ENOX1: variants seen among roughly 807,000 people sequenced by gnomAD.
The protein encoded by ENOX1 is candidate growth-related and time keeping constitutive hydroquinone (NADH) oxidase.
In ENOX1, 42 loss-of-function variants were observed where a neutral mutation model predicts 82.5. The observed-to-expected ratio is 0.51, with a 90% confidence interval of 0.40 to 0.66. ENOX1 has a LOEUF of 0.66. ENOX1 is among the 30% of genes least tolerant of loss of function. The probability of loss-of-function intolerance (pLI) is 0.00; values close to 1 mark genes in which losing one functional copy is unlikely to be tolerated. For missense variants in ENOX1, 608 were observed against 811.6 expected (o/e 0.75, Z 3.05); for synonymous variants, 271 against 282.2 (o/e 0.96, Z 0.40).
intron 5 of ENOX1, among the ~76,000 whole-genome samples, chr13:43,398,928 T>C (rs1424320519): frequency 6.6e-6 from 1 of 151,640 alleles, no homozygotes; most frequent in East Asian, 1.9e-4. Flanking sequence ...CCTGAGTAGC[T>C]GGGACTACAG....
At chr13:43,637,985 G>C (rs539133009) in intron 2 of ENOX1, among the ~76,000 whole-genome samples, 2 of 152,172 alleles carry the variant, frequency 1.3e-5, no homozygotes, top group Non-Finnish European at 2.9e-5. Context: ...AAGGGAAAAG[G>C]GTCCGAGAGC....
At chr13:43,625,470 A>AT (rs1320661120) in intron 2 of ENOX1, among the ~76,000 whole-genome samples, 1 of 151,958 alleles carries the variant, frequency 6.6e-6, no homozygotes, top group African/African-American at 2.4e-5. Context: ...TATTTCTAGG[A>AT]TTTTTGTTTT....
At chr13:43,697,454 G>A (rs1397186651) in intron 1 of ENOX1, among the ~76,000 whole-genome samples, 2 of 152,278 alleles carry the variant, frequency 1.3e-5, no homozygotes, top group Admixed American at 6.5e-5. Flanking sequence ...AAGGGAGCTG[G>A]CTGTTCAACT....
intron 3 of ENOX1, among the ~76,000 whole-genome samples, chr13:43,430,622 C>A (rs2055598057): frequency 6.6e-6 from 1 of 152,146 alleles, no homozygotes; most frequent in African/African-American, 2.4e-5. Context: ...AATGAAGGCA[C>A]AATGTCCACA....
At chr13:43,416,216 G>A (rs2054521612) in intron 3 of ENOX1, among the ~76,000 whole-genome samples, 1 of 136,454 alleles carries the variant, frequency 7.3e-6, no homozygotes, top group East Asian at 2.2e-4. Context: ...GCTGGGCAGA[G>A]GCGCTCCTCA....
chr13:43,355,094 T>C (rs1390277899), intron 8 of ENOX1, among the ~76,000 whole-genome samples: 2 of 152,190 alleles, frequency 1.3e-5, no homozygotes, highest in Non-Finnish European at 2.9e-5. Flanking sequence ...ATCCTGACAG[T>C]GCTCAGTGAC....
At chr13:43,317,440 T>C (rs2047566682) in intron 11 of ENOX1, among the ~76,000 whole-genome samples, 2 of 152,152 alleles carry the variant, frequency 1.3e-5, no homozygotes, top group South Asian at 2.1e-4. Context: ...TTTTTAAGGA[T>C]CTTTCAGAAG....
In ENOX1 at chr13:43,496,468, C is replaced by A. The variant is rs138710520; in HGVS notation, c.-218-12316G>T. On this transcript the variant is annotated intron_variant, in intron 2 of 16. Transcript: ENST00000690772. Reference sequence around the variant, plus strand: ...TGGAACAATCATAGCTGACTGTAACCGAGTACCCCTGGGTTCAAGCAATCC... The same window carrying A: ...TGGAACAATCATAGCTGACTGTAACAGAGTACCCCTGGGTTCAAGCAATCC... 2.4e-4 allele frequency among the ~76,000 whole-genome samples: 37 copies of A among 151,936 alleles called. No individual in the cohort carries two copies. In the Middle Eastern group the frequency reaches 0.024, roughly 98 times the overall value.
intron 2 of ENOX1, among the ~76,000 whole-genome samples, chr13:43,584,870 C>T (rs2080906411): frequency 6.6e-6 from 1 of 152,146 alleles, no homozygotes; most frequent in African/African-American, 2.4e-5. Flanking sequence ...CCAAAATCTC[C>T]ATCCGCAGGC....
At chr13:43,541,729 C>T (rs117161133) in intron 2 of ENOX1, among the ~76,000 whole-genome samples, 1,634 of 152,206 alleles carry the variant, frequency 0.011, 13 homozygotes, top group Non-Finnish European at 0.016. Flanking sequence ...ACACAATACT[C>T]GAGTACCGCT....
chr13:43,323,037 G>C (rs2047905232), intron 10 of ENOX1, among the ~76,000 whole-genome samples: 1 of 152,184 alleles, frequency 6.6e-6, no homozygotes, highest in Non-Finnish European at 1.5e-5. Context: ...ACAGTACTTA[G>C]CATCATGCCA....
At chr13:43,475,335 T>C (rs1027418159) in intron 3 of ENOX1, among the ~76,000 whole-genome samples, 6 of 152,084 alleles carry the variant, frequency 3.9e-5, no homozygotes, top group Non-Finnish European at 8.8e-5. Flanking sequence ...GGAGCAGCAA[T>C]AGGGAACGTG....
intron 11 of ENOX1, among the ~76,000 whole-genome samples, chr13:43,303,300 G>A (rs1024849858): frequency 6.6e-6 from 1 of 152,200 alleles, no homozygotes; most frequent in Admixed American, 6.5e-5. Flanking sequence ...CACTAGGAAA[G>A]GGAGCTGTAG....
At chr13:43,758,336 T>C (rs1296532707) in intron 1 of ENOX1, among the ~76,000 whole-genome samples, 2 of 152,084 alleles carry the variant, frequency 1.3e-5, no homozygotes, top group Non-Finnish European at 2.9e-5. Flanking sequence ...ATAACTTAGA[T>C]AAATCTCCAG....
chr13:43,639,495 CTATT>C (rs1188456161), intron 2 of ENOX1, among the ~76,000 whole-genome samples: 1 of 152,098 alleles, frequency 6.6e-6, no homozygotes, highest in Non-Finnish European at 1.5e-5. Context: ...GATTCAATTC[CTATT>C]TATCAATAGA....
At chr13:43,667,695 G>A (rs1188697101) in intron 1 of ENOX1, among the ~76,000 whole-genome samples, 151 bp from the exon 2 acceptor site, 2 of 152,192 alleles carry the variant, frequency 1.3e-5, no homozygotes, top group East Asian at 3.8e-4. Flanking sequence ...GCAATTGAAT[G>A]CCCTTGGAGA....
intron 14 of ENOX1, among the ~76,000 whole-genome samples, chr13:43,248,457 C>T (rs2043265105): frequency 6.6e-6 from 1 of 151,632 alleles, no homozygotes; most frequent in African/African-American, 2.4e-5. Flanking sequence ...TTTAAAATAA[C>T]ACAATTTCTT....
intron 12 of ENOX1, among the ~76,000 whole-genome samples, chr13:43,297,045 C>A (rs2046323101): frequency 6.6e-6 from 1 of 152,226 alleles, no homozygotes; most frequent in Non-Finnish European, 1.5e-5. Flanking sequence ...ATTTTCCTGG[C>A]TGGCTCTGAC....
chr13:43,711,871 TG>T (rs1254976051), intron 1 of ENOX1, among the ~76,000 whole-genome samples: 4 of 148,258 alleles, frequency 2.7e-5, no homozygotes, highest in Non-Finnish European at 4.5e-5. Flanking sequence ...TTTTGTAGGT[TG>T]CCTATTCACT....
Sources: gnomAD v4.1 joint callset for allele counts (sites outside exome capture counted in the v4.1 genomes callset) on GRCh38, gnomAD v4.1.1 for gene constraint, MANE v1.5 for transcripts, NCBI Gene and HGNC (gene_info 2026-07-23, HGNC 2026-07-21) for gene names.